The following FAM98B variants were observed in gnomAD, a reference collection of about 807,000 sequenced individuals.
FAM98B encodes the protein tRNA-splicing ligase complex subunit FAM98B.
FAM98B carries 32 observed loss-of-function variants against 43.9 expected under a neutral mutation model. The observed-to-expected ratio is 0.73, with a 90% CI of 0.55 to 0.98. The LOEUF (loss-of-function observed/expected upper bound fraction) is 0.98, where lower values mean the gene tolerates loss of function less well. Among genes scored for constraint, FAM98B ranks in the 50% least tolerant of loss-of-function variants. The pLI is 0.00. For missense variants in FAM98B, 514 were observed against 522.9 expected (o/e 0.98, Z 0.17); for synonymous variants, 190 against 174.0 (o/e 1.09, Z -0.72).
Position 38,481,163 on chromosome 15 carries a change from G to A in FAM98B, c.730-129G>A. ...TTCATAAATTCTCAGATATTTGGGT[G>A]TTTTTGCTCTTTTCTAACTCCTTGC... On this transcript the variant is annotated intron_variant, in intron 6 of 7. Transcript: ENST00000397609. 3 of 678,548 alleles carry A rather than the reference G, an allele frequency of 4.4e-6. No homozygotes were observed. The South Asian group carries it at 6.9e-5, about 16-fold the overall frequency. 42.0% of individuals were successfully genotyped at this position (678,548 alleles called of 1,614,324 possible).
At chr15:38,481,489 T>A (rs1483166678) in intron 7 of FAM98B, 30 bp downstream of exon 7, 19 of 1,614,140 alleles carry the variant, frequency 1.2e-5, no homozygotes, top group Non-Finnish European at 1.5e-5. Context: ...CAGTGGAAAA[T>A]GAATTGATGA....
chr15:38,455,142 G>A (rs1002776430), intron 1 of FAM98B, among the ~76,000 whole-genome samples: 1 of 152,132 alleles, frequency 6.6e-6, no homozygotes, highest in Non-Finnish European at 1.5e-5. Context: ...TTTATTCACC[G>A]ATGTTTTCCC....
Position 38,464,181 on chromosome 15 carries a change from T to C in FAM98B, c.217+4T>C. On this transcript the variant is annotated splice_donor_region_variant and intron_variant, in intron 2 of 7. Transcript: ENST00000397609. ...GAAGAAAGTATCACGTCTGCTGGTA[T>C]TGCCATTATGTTGTATTTACTTTTC... The C allele has an allele frequency of 6.2e-7, 1 of 1,609,918 alleles. No individual in the cohort carries two copies. The highest frequency in any genetic ancestry group is 1.1e-5 in the South Asian group (1 of 90,252).
Position 38,487,316 on chromosome 15 carries a change from G to T in FAM98B, c.*2657G>T, listed in dbSNP as rs1196032594. 3 of 151,988 alleles carry T rather than the reference G, an allele frequency of 2.0e-5. No individual in the cohort carries two copies. The highest frequency in any genetic ancestry group is 7.2e-5 in the African/African-American group (3 of 41,406). The allele number at this position is 151,988 out of a possible 1,614,324, so 9.4% of individuals were successfully genotyped here. A position where few individuals can be genotyped will look rare whatever the true frequency, so the allele number is the denominator to read the frequency against. On this transcript the variant is annotated 3_prime_UTR_variant, in exon 8 of 8. Transcript: ENST00000397609. The stretch of plus-strand genomic sequence containing the variant: ...TTACCTGTATCTGTGACAAGAGGAG[G>T]CATGACAACCTAAAAAAAATTTGTG...
intron 1 of FAM98B, chr15:38,458,764 C>G (rs1889893627): frequency 5.4e-6 from 2 of 370,306 alleles, no homozygotes; most frequent in Non-Finnish European, 5.3e-6. Flanking sequence ...AGAGGCCTGC[C>G]CCTACCCAAG....
chr15:38,467,492 A>G (rs1274510805), intron 3 of FAM98B, among the ~76,000 whole-genome samples: 1 of 152,192 alleles, frequency 6.6e-6, no homozygotes, highest in Non-Finnish European at 1.5e-5. Flanking sequence ...TCACTCAAAA[A>G]ATCATAATAG....
At chr15:38,461,358 C>T (rs527401747) in intron 1 of FAM98B, among the ~76,000 whole-genome samples, 1 of 152,212 alleles carries the variant, frequency 6.6e-6, no homozygotes, top group Non-Finnish European at 1.5e-5. Context: ...CTTTACTTGG[C>T]TGTATCAACT....
chr15:38,465,494 G>A, intron 3 of FAM98B, 91 bp downstream of exon 3: 1 of 1,213,824 alleles, frequency 8.2e-7, no homozygotes, highest in South Asian at 1.9e-5. Context: ...TAGACATTTT[G>A]TATATTAAAA....
At chr15:38,454,344 C>T in intron 1 of FAM98B, 112 bp downstream of exon 1, 2 of 1,059,106 alleles carry the variant, frequency 1.9e-6, no homozygotes, top group African/African-American at 1.6e-5. Context: ...GTGTAGGCCT[C>T]CTTCCCTGCC....
At position 38,487,613 on chromosome 15, in the gene FAM98B, A is replaced by C. The variant is rs1890398616; in HGVS notation, c.*2954A>C. 2 of 152,096 alleles carry C rather than the reference A, an allele frequency of 1.3e-5. No individual in the cohort carries two copies. Among genetic ancestry groups the C allele is most frequent in the Admixed American group, 6.5e-5 (1 of 15,270 alleles). The allele number at this position is 152,096 out of a possible 1,614,324, so 9.4% of individuals were successfully genotyped here. On this transcript the variant is annotated 3_prime_UTR_variant, in exon 8 of 8. Coordinates refer to ENST00000397609, the MANE Select transcript of FAM98B (RefSeq NM_173611.4). ...TTTCTTCATTGGTGTGGTTAAACAA[A>C]AATTAGCTGGGGATTAAGGGAAAAT...
chr15:38,459,407 G>A (rs1039066894), intron 1 of FAM98B: 3 of 382,366 alleles, frequency 7.8e-6, no homozygotes, highest in Non-Finnish European at 1.6e-5. Context: ...TGCTGGATGC[G>A]AAAATAGCAG....
rs1890396391 is a variant in FAM98B, at chr15:38,487,495, G to A, written c.*2836G>A. On this transcript the variant is annotated 3_prime_UTR_variant, in exon 8 of 8. Transcript: ENST00000397609. ...GTGTGACTTTATTACTTTGTATGAAGTATTATGAATTGCCCAAATGATAAA... is the reference window on the plus strand; with the variant it reads ...GTGTGACTTTATTACTTTGTATGAAATATTATGAATTGCCCAAATGATAAA... 6.6e-6 allele frequency: 1 copy of A among 152,066 alleles called. No homozygotes were observed. The highest frequency in any genetic ancestry group is 1.5e-5 in the Non-Finnish European group (1 of 67,946). The allele number at this position is 152,066 out of a possible 1,614,324, so 9.4% of individuals were successfully genotyped here. A position where few individuals can be genotyped will look rare whatever the true frequency, so the allele number is the denominator to read the frequency against.
chr15:38,486,449 G>A lies in FAM98B; in HGVS notation c.*1790G>A, dbSNP rs1002451978. 1 of 152,034 alleles carries A rather than the reference G, an allele frequency of 6.6e-6. No individual in the cohort carries two copies. Among genetic ancestry groups the A allele is most frequent in the Non-Finnish European group, 1.5e-5 (1 of 67,954 alleles). 9.4% of individuals were successfully genotyped at this position (152,034 alleles called of 1,614,324 possible). A position where few individuals can be genotyped will look rare whatever the true frequency, so the allele number is the denominator to read the frequency against. On this transcript the variant is annotated 3_prime_UTR_variant, in exon 8 of 8. Transcript: ENST00000397609. ...CCTCACTTCTTTTTTGGTAGCATTA[G>A]TTGCTGATGAAGGAGATTTACAACT...
intron 3 of FAM98B, among the ~76,000 whole-genome samples, chr15:38,466,607 C>G (rs1436816968): frequency 1.3e-5 from 2 of 151,914 alleles, no homozygotes; most frequent in Non-Finnish European, 2.9e-5. Flanking sequence ...ATAAAAATAA[C>G]ATGTTCAGGA....
intron 3 of FAM98B, among the ~76,000 whole-genome samples, chr15:38,467,140 C>G (rs1355789914): frequency 6.6e-6 from 1 of 152,048 alleles, no homozygotes; most frequent in Non-Finnish European, 1.5e-5. Flanking sequence ...AAAATAGTCT[C>G]CGGTCTAGAT....
intron 6 of FAM98B, among the ~76,000 whole-genome samples, chr15:38,477,436 CTT>C (rs2141060478): frequency 6.6e-6 from 1 of 152,120 alleles, no homozygotes; most frequent in Non-Finnish European, 1.5e-5. Flanking sequence ...ATCTGTCTCT[CTT>C]TCATTCTTCT....
At chr15:38,469,173 T>C (rs1890085177) in intron 3 of FAM98B, among the ~76,000 whole-genome samples, 1 of 150,764 alleles carries the variant, frequency 6.6e-6, no homozygotes, top group Non-Finnish European at 1.5e-5. Flanking sequence ...CCCAAAGTGC[T>C]GGGATTATAG....
At chr15:38,465,150 A>T in intron 2 of FAM98B, 119 bp from the exon 3 acceptor site, 2 of 965,240 alleles carry the variant, frequency 2.1e-6, no homozygotes, top group Non-Finnish European at 3.0e-6. Context: ...TCACACATTT[A>T]AGGATTTAAT....
chr15:38,468,342 C>G (rs1890071756), intron 3 of FAM98B, among the ~76,000 whole-genome samples: 1 of 152,114 alleles, frequency 6.6e-6, no homozygotes, highest in African/African-American at 2.4e-5. Context: ...ATCCTCTCAT[C>G]TCAGCCTGCA....
Sources: gnomAD v4.1 joint callset for allele counts (sites outside exome capture counted in the v4.1 genomes callset) on GRCh38, gnomAD v4.1.1 for gene constraint, MANE v1.5 for transcripts, NCBI Gene and HGNC (gene_info 2026-07-23, HGNC 2026-07-21) for gene names.